Variants in PTPN14 observed in about 807,000 individuals in gnomAD.
The protein encoded by PTPN14 is tyrosine-protein phosphatase non-receptor type 14.
In PTPN14, 53 loss-of-function variants were observed where a neutral mutation model predicts 126.8. The ratio of observed to expected loss-of-function variants is 0.42; its 90% CI spans 0.34 to 0.53. The LOEUF (loss-of-function observed/expected upper bound fraction) is 0.53. Among genes scored for constraint, PTPN14 ranks in the 20% least tolerant of loss-of-function variants. The probability of loss-of-function intolerance (pLI) is 0.08; values close to 1 mark genes in which losing one functional copy is unlikely to be tolerated. For synonymous variants in PTPN14, 630 were observed against 599.3 expected, an observed-to-expected ratio of 1.05 and a Z score of -0.75; for missense variants, 1,257 against 1,552.9, an observed-to-expected ratio of 0.81 and a Z score of 3.20.
intron 2 of PTPN14, among the ~76,000 whole-genome samples, chr1:214,454,046 T>A (rs6540833): frequency 3.9e-5 from 6 of 152,000 alleles, no homozygotes; most frequent in African/African-American, 4.8e-5. Flanking sequence ...AATTCCTGTA[T>A]GGAACACAGG....
intron 7 of PTPN14, among the ~76,000 whole-genome samples, chr1:214,398,432 C>A (rs996346849): frequency 6.6e-6 from 1 of 152,086 alleles, no homozygotes; most frequent in Non-Finnish European, 1.5e-5. Flanking sequence ...TAGTTAGTAA[C>A]AATATATTGG....
chr1:214,536,015 A>T (rs1655694958), intron 1 of PTPN14, among the ~76,000 whole-genome samples: 1 of 152,244 alleles, frequency 6.6e-6, no homozygotes, highest in Non-Finnish European at 1.5e-5. Context: ...CAGCAAAAAA[A>T]GTATTAATGT....
chr1:214,475,559 T>C (rs1052744325), intron 1 of PTPN14, among the ~76,000 whole-genome samples: 2 of 152,228 alleles, frequency 1.3e-5, no homozygotes, highest in South Asian at 2.1e-4. Context: ...ATGTGCATTC[T>C]GCAACTCTTC....
intron 1 of PTPN14, among the ~76,000 whole-genome samples, chr1:214,516,070 G>C (rs1655096206): frequency 6.6e-6 from 1 of 152,162 alleles, no homozygotes; most frequent in Non-Finnish European, 1.5e-5. Flanking sequence ...ATAAAAGCAG[G>C]AAGTACACCT....
At position 214,391,005 on chromosome 1, in the gene PTPN14, A is replaced by G. The variant is rs1343968353; in HGVS notation, c.970T>C (p.Trp324Arg). 1.9e-6 allele frequency: 3 copies of G among 1,585,124 alleles called. No homozygotes were observed. Among genetic ancestry groups the G allele is most frequent in the African/African-American group, 1.3e-5 (1 of 74,366 alleles). ...ATACATACCAGAGAGGATCGGCTCC[A>G]GGTGGGCTGGCGTCTGATGGGGGGT... The part of the protein sequence containing the change: ...SPPPIRRQPT[W>R]SRSSLPRQQP... The change falls in exon 11 of 19, where the codon TGG (tryptophan) becomes CGG (arginine). Residue 324 changes from tryptophan to arginine, a missense_variant. Trp to Arg is a moderately radical substitution (Grantham distance 101, BLOSUM62 -3). This residue lies in a region of PTPN14 where 1,021 missense variants were observed against 1,183.3 expected (regional missense o/e 0.86). Coordinates refer to ENST00000366956, the MANE Select transcript of PTPN14 (RefSeq NM_005401.5).
chr1:214,386,437 C>A (rs1032802148), intron 12 of PTPN14, among the ~76,000 whole-genome samples: 16 of 152,184 alleles, frequency 1.1e-4, no homozygotes, highest in Non-Finnish European at 1.8e-4. Flanking sequence ...AAAAGGCTGA[C>A]TTTGTTTATT....
chr1:214,403,296 T>C (rs1659079608), intron 5 of PTPN14, among the ~76,000 whole-genome samples: 1 of 152,212 alleles, frequency 6.6e-6, no homozygotes, highest in Non-Finnish European at 1.5e-5. Context: ...TACATATTTC[T>C]AATGATTGGG....
chr1:214,484,473 T>C (rs1459769455), intron 1 of PTPN14, among the ~76,000 whole-genome samples: 1 of 152,156 alleles, frequency 6.6e-6, no homozygotes, highest in African/African-American at 2.4e-5. Context: ...TGAGTTAAAG[T>C]GGTAAAATGC....
intron 1 of PTPN14, among the ~76,000 whole-genome samples, chr1:214,517,487 T>TAA (rs59698035): frequency 0.17 from 23,711 of 138,200 alleles, 2,457 homozygotes; most frequent in East Asian, 0.5. Context: ...AGCATAATAT[T>TAA]AAAAAAAAAA....
intron 10 of PTPN14, among the ~76,000 whole-genome samples, chr1:214,391,998 CAGG>C (rs1294200348): frequency 1.3e-5 from 2 of 152,138 alleles, no homozygotes; most frequent in Non-Finnish European, 2.9e-5. Context: ...AGCAGCTCTG[CAGG>C]AGCAGAAAAA....
At chr1:214,451,139 GGTTTTTGTTTTT>G (rs1184735160) in intron 3 of PTPN14, among the ~76,000 whole-genome samples, 1 of 144,268 alleles carries the variant, frequency 6.9e-6, no homozygotes, top group African/African-American at 2.6e-5. Context: ...AACAGAATTA[GGTTTTTGTTTTT>G]GTTTTTGTTG....
chr1:214,442,255 C>A (rs1309152080), intron 3 of PTPN14, among the ~76,000 whole-genome samples: 3 of 152,188 alleles, frequency 2.0e-5, no homozygotes, highest in Non-Finnish European at 2.9e-5. Flanking sequence ...ATTTGCTATA[C>A]TTACCCAGTA....
At position 214,546,174 on chromosome 1, in the gene PTPN14, G is replaced by T. The variant is rs567286894; in HGVS notation, c.-155+5009C>A. Among the ~76,000 whole-genome samples, 19 of 152,286 alleles carry T rather than the reference G, an allele frequency of 1.2e-4. No individual in the cohort carries two copies. The South Asian group carries it at 2.5e-3, about 20-fold the overall frequency. On this transcript the variant is annotated intron_variant, in intron 1 of 18. Coordinates refer to ENST00000366956, the MANE Select transcript of PTPN14 (RefSeq NM_005401.5). ...AAAATGCAGTTGGTCAGGACCAAGAGCATCACCCAGGAGCTCTTTGGAAAT... is the reference window on the plus strand; with the variant it reads ...AAAATGCAGTTGGTCAGGACCAAGATCATCACCCAGGAGCTCTTTGGAAAT...
chr1:214,374,423 A>T (rs1367172812), intron 15 of PTPN14, among the ~76,000 whole-genome samples: 1 of 152,234 alleles, frequency 6.6e-6, no homozygotes, highest in Non-Finnish European at 1.5e-5. Context: ...CACCCAACGT[A>T]TAGGAAACAT....
At chr1:214,541,510 T>C (rs2102483345) in intron 1 of PTPN14, among the ~76,000 whole-genome samples, 1 of 152,264 alleles carries the variant, frequency 6.6e-6, no homozygotes, top group Non-Finnish European at 1.5e-5. Flanking sequence ...CTTGATCTTG[T>C]CCAAATTTAG....
intron 1 of PTPN14, among the ~76,000 whole-genome samples, chr1:214,470,473 A>T (rs889970375): frequency 2.1e-4 from 32 of 152,158 alleles, no homozygotes; most frequent in African/African-American, 6.8e-4. Flanking sequence ...ACCATTATGC[A>T]ATATAGCCAC....
chr1:214,382,962 G>C (rs1658508701), intron 13 of PTPN14, among the ~76,000 whole-genome samples: 1 of 152,176 alleles, frequency 6.6e-6, no homozygotes, highest in South Asian at 2.1e-4. Flanking sequence ...GGATGTGGGG[G>C]ACAGCTTTCC....
chr1:214,461,054 A>C (rs1047592697), intron 2 of PTPN14, among the ~76,000 whole-genome samples: 1 of 152,168 alleles, frequency 6.6e-6, no homozygotes, highest in Non-Finnish European at 1.5e-5. Context: ...GCACGGGGCC[A>C]GGGGTATATG....
At chr1:214,377,528 A>G (rs1658371504) in intron 14 of PTPN14, among the ~76,000 whole-genome samples, 1 of 152,204 alleles carries the variant, frequency 6.6e-6, no homozygotes, top group Non-Finnish European at 1.5e-5. Flanking sequence ...AACTAAAATA[A>G]AAGTTTAAAA....
Sources: allele counts gnomAD v4.1 joint callset (sites outside exome capture counted in the v4.1 genomes callset), GRCh38; gene constraint gnomAD v4.1.1; regional missense constraint gnomAD v4.1.1; transcripts MANE v1.5; gene names NCBI Gene and HGNC (gene_info 2026-07-23, HGNC 2026-07-21).